Variants in FASTKD1 observed in about 807,000 individuals in gnomAD.
The protein encoded by FASTKD1 is FAST kinase domains 1.
Under a neutral mutation model 90.9 loss-of-function variants are expected in FASTKD1, and 94 were observed. The ratio of observed to expected loss-of-function variants is 1.03; its 90% CI spans 0.88 to 1.23. FASTKD1 has a LOEUF of 1.23. Among genes scored for constraint, FASTKD1 ranks in the 50% most tolerant of loss-of-function variants. FASTKD1 has a pLI of 0.00. For synonymous variants in FASTKD1, 319 were observed against 345.8 expected (o/e 0.92, Z 0.86); for missense variants, 945 against 993.5 (o/e 0.95, Z 0.66).
Position 169,532,523 on chromosome 2 carries a change from A to T in FASTKD1, c.2189-1033T>A, listed in dbSNP as rs556455039. 4.6e-5 allele frequency among the ~76,000 whole-genome samples: 7 copies of T among 151,604 alleles called. No individual in the cohort carries two copies. In the East Asian group the frequency reaches 1.2e-3, roughly 25 times the overall value. On this transcript the variant is annotated intron_variant, in intron 12 of 14. Coordinates refer to ENST00000453153, the MANE Select transcript of FASTKD1 (RefSeq NM_024622.6). ...GTTTTTGGCCAAAAAGAAAAACCTA[A>T]AAAAAAAACCTAAAATCTAATCAAA... is the stretch of plus-strand genomic sequence containing the variant.
intron 7 of FASTKD1, among the ~76,000 whole-genome samples, chr2:169,553,978 G>A (rs1414143767): frequency 1.3e-5 from 2 of 151,546 alleles, no homozygotes; most frequent in African/African-American, 2.4e-5. Flanking sequence ...GCTGGTTCAA[G>A]CCTGTAAAAC....
At chr2:169,534,183 CAAAAAAAA>C (rs71003097) in intron 12 of FASTKD1, among the ~76,000 whole-genome samples, 2 of 46,314 alleles carry the variant, frequency 4.3e-5, no homozygotes, top group Admixed American at 3.6e-4. Flanking sequence ...GACCCTTTCT[CAAAAAAAA>C]AAAAAAAAAA....
intron 4 of FASTKD1, among the ~76,000 whole-genome samples, chr2:169,562,171 T>TGTAAATTAA (rs1559157880): frequency 6.0e-5 from 9 of 150,232 alleles, no homozygotes; most frequent in Non-Finnish European, 7.4e-5. Context: ...ATTAATTTAT[T>TGTAAATTAA]TTTTGGTTTT....
intron 9 of FASTKD1, among the ~76,000 whole-genome samples, chr2:169,543,062 A>C (rs1191580927): frequency 6.6e-6 from 1 of 152,216 alleles, no homozygotes; most frequent in African/African-American, 2.4e-5. Flanking sequence ...AATCAGACAA[A>C]TCCAGAATGT....
intron 2 of FASTKD1, chr2:169,570,865 AG>A (rs1436535237): frequency 2.6e-5 from 4 of 152,046 alleles, no homozygotes; most frequent in Non-Finnish European, 4.4e-5. Flanking sequence ...TAGTAGAGGC[AG>A]GGTTTCACCA....
rs1430164729 is a variant in FASTKD1, at chr2:169,538,119, T to C, written c.1968A>G (p.Ala656=). ...QLEILSPSRS[A]RVQFHLMELN... ...ACTCCATAAGATGAAACTGGACTCT[T>C]GCACTTCGAGATGGAGATAAAACTG... The change falls in exon 11 of 15, where the codon GCA becomes GCG. Residue 656 remains alanine, a synonymous_variant. Transcript: ENST00000453153. 13 of 1,606,350 alleles carry C rather than the reference T, an allele frequency of 8.1e-6. No homozygotes were observed. The highest frequency in any genetic ancestry group is 2.3e-5 in the South Asian group (2 of 88,878).
rs1684757451 is a variant in FASTKD1, at chr2:169,537,212, T to C, written c.2188+15A>G. ...GATTTTCTGAAAGTAACTAATAACC[T>C]ACCCAATAACTTACCTACTTTGTGG... On this transcript the variant is annotated intron_variant, in intron 12 of 14. Coordinates refer to ENST00000453153, the MANE Select transcript of FASTKD1 (RefSeq NM_024622.6). 2.1e-6 allele frequency: 3 copies of C among 1,405,572 alleles called. No individual in the cohort carries two copies. Among genetic ancestry groups the C allele is most frequent in the Middle Eastern group, 1.8e-4 (1 of 5,594 alleles). The allele number at this position is 1,405,572 out of a possible 1,614,324, so 87.1% of individuals were successfully genotyped here.
At chr2:169,549,442 T>C (rs897011401) in intron 7 of FASTKD1, among the ~76,000 whole-genome samples, 3 of 151,990 alleles carry the variant, frequency 2.0e-5, no homozygotes, top group African/African-American at 7.2e-5. Flanking sequence ...AATAAATACA[T>C]TGAGTTACTT....
chr2:169,567,114 CA>C (rs574756229), intron 3 of FASTKD1, among the ~76,000 whole-genome samples: 44 of 123,214 alleles, frequency 3.6e-4, no homozygotes, highest in Admixed American at 5.0e-4. Context: ...GACTCTGTCT[CA>C]AAAAAAAAAA....
intron 12 of FASTKD1, among the ~76,000 whole-genome samples, chr2:169,535,964 C>CAT: frequency 7.0e-6 from 1 of 143,530 alleles, no homozygotes; most frequent in South Asian, 2.2e-4. Flanking sequence ...ACTAAACATC[C>CAT]TTTTTTTTTT....
chr2:169,563,209 C>A lies in FASTKD1; in HGVS notation c.572+16G>T, dbSNP rs1057154384. 2 of 1,606,692 alleles carry A rather than the reference C, an allele frequency of 1.2e-6. No individual in the cohort carries two copies. Among genetic ancestry groups the A allele is most frequent in the Non-Finnish European group, 1.7e-6 (2 of 1,177,358 alleles). On this transcript the variant is annotated intron_variant, in intron 4 of 14. Transcript: ENST00000453153. Reference sequence around the variant, plus strand: ...GATCTTTCCACCACAACACAAGATTCCCTAAATAAATTTACCTTAAGTCCT... The same window carrying A: ...GATCTTTCCACCACAACACAAGATTACCTAAATAAATTTACCTTAAGTCCT...
Position 169,546,348 on chromosome 2 carries a change from A to G in FASTKD1, c.1571T>C (p.Leu524Ser). The G allele has an allele frequency of 1.2e-6, 2 of 1,614,090 alleles. No individual in the cohort carries two copies. Among genetic ancestry groups the G allele is most frequent in the Non-Finnish European group, 1.7e-6 (2 of 1,179,990 alleles). The stretch of plus-strand genomic sequence containing the variant: ...ATTAATATCATCCATGAAATGCTGT[A>G]AAGTAGCAATCATTTCTTCAAGAAG... ...ESLLEEMIAT[L>S]QHFMDDINYI... The change falls in exon 8 of 15, where the codon TTA becomes TCA. Residue 524 changes from leucine (L) to serine (S), a missense_variant. By Grantham distance (145) the Leu-to-Ser change is moderately radical (BLOSUM62 -2). Transcript: ENST00000453153.
chr2:169,538,967 G>A (rs1174534694), intron 10 of FASTKD1, among the ~76,000 whole-genome samples: 1 of 151,914 alleles, frequency 6.6e-6, no homozygotes, highest in Non-Finnish European at 1.5e-5. Context: ...TCCAAATTTT[G>A]TTTTAAAATT....
chr2:169,537,375 CTTTTTTTTCTT>C, intron 11 of FASTKD1, 35 bp from the exon 12 acceptor site: 1 of 1,311,224 alleles, frequency 7.6e-7, no homozygotes, highest in South Asian at 1.3e-5. Flanking sequence ...TCTACTTAAT[CTTTTTTTTCTT>C]TTTTTTTTTC....
At chr2:169,540,682 C>T (rs1470510266) in intron 9 of FASTKD1, among the ~76,000 whole-genome samples, 2 of 152,182 alleles carry the variant, frequency 1.3e-5, no homozygotes, top group Admixed American at 1.3e-4. Context: ...ACAATTATCT[C>T]CACTTTATAA....
At chr2:169,537,144 TA>T in intron 12 of FASTKD1, 82 bp downstream of exon 12, 1 of 897,582 alleles carries the variant, frequency 1.1e-6, no homozygotes, top group East Asian at 2.5e-5. Flanking sequence ...CAAAAAACTT[TA>T]AAAAATTCCA....
In FASTKD1 at chr2:169,540,088, G is replaced by A. The variant is rs549224656; in HGVS notation, c.1908C>T (p.Asn636=). The change falls in exon 10 of 15, where the codon AAC becomes AAT. Residue 636 remains asparagine (N), a synonymous_variant. Coordinates refer to ENST00000453153, the MANE Select transcript of FASTKD1 (RefSeq NM_024622.6). ...AATCCAATCTAGCTAAGAATTTGAT[G>A]TTAAAAATTGCCTTTAGCAGATCTT... is the stretch of plus-strand genomic sequence containing the variant. ...FPEDLLKAIF[N]IKFLARLDSQ... is the part of the protein sequence containing the mutation. The A allele has an allele frequency of 2.5e-6, 4 of 1,606,248 alleles. No individual in the cohort carries two copies. The highest frequency in any genetic ancestry group is 2.2e-5 in the East Asian group (1 of 44,710).
At position 169,531,459 on chromosome 2, in the gene FASTKD1, T is replaced by C. The variant is rs772539950; in HGVS notation, c.2220A>G (p.Lys740=). 11 of 1,609,402 alleles carry C rather than the reference T, an allele frequency of 6.8e-6. No homozygotes were observed. The Admixed American group carries it at 1.7e-4, about 25-fold the overall frequency. The change falls in exon 13 of 15, where the codon AAA becomes AAG. Residue 740 remains lysine, a synonymous_variant. Coordinates refer to ENST00000453153, the MANE Select transcript of FASTKD1 (RefSeq NM_024622.6). ...DFECILDKRK[K]PLPYGSHNIA... ...TATTATGGCTTCCATACGGAAGAGG[T>C]TTTTTTCTTTTATCCAAGATACACT... is the stretch of plus-strand genomic sequence containing the variant.
chr2:169,540,087 T>A lies in FASTKD1; in HGVS notation c.1909A>T (p.Ile637Phe), dbSNP rs1684901526. Residue 637 changes from isoleucine (I) to phenylalanine (F), a missense_variant, in exon 10 of 15, where the codon ATC becomes TTC. Ile to Phe is a conservative substitution (Grantham distance 21). Transcript: ENST00000453153. ...GAATCCAATCTAGCTAAGAATTTGA[T>A]GTTAAAAATTGCCTTTAGCAGATCT... is the stretch of plus-strand genomic sequence containing the variant. ...PEDLLKAIFN[I>F]KFLARLDSQL... The A allele has an allele frequency of 2.5e-6, 4 of 1,606,134 alleles. No individual in the cohort carries two copies. Among genetic ancestry groups the A allele is most frequent in the Non-Finnish European group, 3.4e-6 (4 of 1,176,400 alleles).
Sources: gnomAD v4.1 joint callset for allele counts (sites outside exome capture counted in the v4.1 genomes callset) on GRCh38, gnomAD v4.1.1 for gene constraint, MANE v1.5 for transcripts, NCBI Gene and HGNC (gene_info 2026-07-23, HGNC 2026-07-21) for gene names.